ADGRL3: variants seen among roughly 807,000 people sequenced by gnomAD.
The protein encoded by ADGRL3 is calcium-independent alpha-latrotoxin receptor 3.
ADGRL3 carries 62 observed loss-of-function variants against 153.5 expected under a neutral mutation model. The observed-to-expected ratio is 0.40, with a 90% CI of 0.33 to 0.50. The LOEUF is 0.50. Ranked by LOEUF, ADGRL3 falls within the 20% of genes least tolerant of loss-of-function variation. The pLI is 0.47. For synonymous variants in ADGRL3, 710 were observed against 672.5 expected (o/e 1.06, Z -0.86); for missense variants, 1,641 against 1,859.4 (o/e 0.88, Z 2.16).
chr4:61,932,719 C>A (rs995115019), intron 13 of ADGRL3, among the ~76,000 whole-genome samples: 7 of 152,012 alleles, frequency 4.6e-5, no homozygotes, highest in Admixed American at 2.0e-4. Flanking sequence ...CTCTTATATT[C>A]TTTTGGAGTT....
At chr4:61,756,510 A>C (rs1045557219) in intron 8 of ADGRL3, among the ~76,000 whole-genome samples, 1 of 152,196 alleles carries the variant, frequency 6.6e-6, no homozygotes, top group Non-Finnish European at 1.5e-5. Context: ...CAACTTAAGG[A>C]GATTTTGGGC....
intron 10 of ADGRL3, among the ~76,000 whole-genome samples, chr4:61,894,143 T>C (rs188593029): frequency 6.6e-6 from 1 of 152,326 alleles, no homozygotes; most frequent in East Asian, 1.9e-4. Flanking sequence ...AAATGAATAC[T>C]TGGCACATTT....
chr4:61,695,929 A>G (rs1169470860), intron 6 of ADGRL3, among the ~76,000 whole-genome samples: 1 of 152,180 alleles, frequency 6.6e-6, no homozygotes, highest in East Asian at 1.9e-4. Context: ...AATGTCTGCT[A>G]GCTTCCAACC....
chr4:61,962,797 A>G (rs2098992844), intron 17 of ADGRL3, among the ~76,000 whole-genome samples: 1 of 152,152 alleles, frequency 6.6e-6, no homozygotes, highest in African/African-American at 2.4e-5. Context: ...CGTATTTGGA[A>G]ACTTTGTTCT....
intron 6 of ADGRL3, among the ~76,000 whole-genome samples, chr4:61,678,860 C>A (rs1321242593): frequency 6.6e-6 from 1 of 151,888 alleles, no homozygotes; most frequent in Non-Finnish European, 1.5e-5. Context: ...AATTGGAATT[C>A]ATTTAATAAA....
chr4:61,742,468 G>A (rs535227271), intron 8 of ADGRL3, among the ~76,000 whole-genome samples: 42 of 151,996 alleles, frequency 2.8e-4, no homozygotes, highest in African/African-American at 8.9e-4. Context: ...TTTTAGTAGA[G>A]ACGGGGCTTC....
rs1366180905 is a variant in ADGRL3, at chr4:61,920,919, C to CT, written c.2112+8163dup. On this transcript the variant is annotated intron_variant, in intron 13 of 26. Coordinates refer to ENST00000683033, the MANE Select transcript of ADGRL3 (RefSeq NM_001387552.1). ...GGCATAGTGTCCAACGATTCTGTGT[C>CT]TAACACAAGAGGGATATTGGGCAAC... Among the ~76,000 whole-genome samples the CT allele has an allele frequency of 2.6e-5, 4 of 152,224 alleles. No homozygotes were observed. The East Asian group carries it at 7.8e-4, about 30-fold the overall frequency.
intron 10 of ADGRL3, among the ~76,000 whole-genome samples, chr4:61,894,871 C>G (rs1036386359): frequency 1.3e-5 from 2 of 152,142 alleles, no homozygotes; most frequent in Non-Finnish European, 2.9e-5. Context: ...TCTATCTCCT[C>G]TTTTAATATT....
intron 2 of ADGRL3, among the ~76,000 whole-genome samples, chr4:61,432,559 C>A (rs996545508): frequency 3.1e-5 from 1 of 32,778 alleles, no homozygotes; most frequent in Non-Finnish European, 3.6e-4. Flanking sequence ...TTATAGATTT[C>A]TTTTCTTTCT....
chr4:61,535,694 A>C (rs997735397), intron 4 of ADGRL3, among the ~76,000 whole-genome samples: 3 of 151,984 alleles, frequency 2.0e-5, no homozygotes, highest in Admixed American at 2.0e-4. Context: ...CCAAGAATTT[A>C]CCCACTTCTC....
At chr4:61,571,740 A>G (rs559140128) in intron 4 of ADGRL3, among the ~76,000 whole-genome samples, 1 of 152,292 alleles carries the variant, frequency 6.6e-6, no homozygotes, top group South Asian at 2.1e-4. Context: ...TTGACTAATC[A>G]TTTACTATGT....
At chr4:61,464,508 T>G (rs1425448270) in intron 2 of ADGRL3, among the ~76,000 whole-genome samples, 3 of 152,182 alleles carry the variant, frequency 2.0e-5, no homozygotes, top group Non-Finnish European at 2.9e-5. Flanking sequence ...AAATATTAAT[T>G]TACTCCAGAA....
At chr4:61,884,648 G>C (rs1356961742) in intron 9 of ADGRL3, among the ~76,000 whole-genome samples, 1 of 151,764 alleles carries the variant, frequency 6.6e-6, no homozygotes, top group African/African-American at 2.4e-5. Flanking sequence ...TTTTTGAGAT[G>C]GAGTCTCGCT....
intron 8 of ADGRL3, among the ~76,000 whole-genome samples, chr4:61,736,257 A>G (rs2096510695): frequency 1.3e-5 from 2 of 152,306 alleles, no homozygotes; most frequent in African/African-American, 4.8e-5. Context: ...AAGGAAAATT[A>G]TACCTTCATT....
chr4:61,261,619 T>C (rs2149600098), intron 1 of ADGRL3, among the ~76,000 whole-genome samples: 2 of 152,222 alleles, frequency 1.3e-5, no homozygotes, highest in East Asian at 3.9e-4. Context: ...ACACTATAAA[T>C]AAGGAATTTT....
chr4:61,725,818 T>G (rs1404249350), intron 6 of ADGRL3, among the ~76,000 whole-genome samples: 1 of 152,122 alleles, frequency 6.6e-6, no homozygotes, highest in Non-Finnish European at 1.5e-5. Flanking sequence ...AGTTTGTATG[T>G]TGTGAGCATA....
intron 1 of ADGRL3, among the ~76,000 whole-genome samples, chr4:61,284,023 G>A (rs2150035901): frequency 6.6e-6 from 1 of 152,008 alleles, no homozygotes; most frequent in East Asian, 1.9e-4. Flanking sequence ...TTGTGTTTGT[G>A]AACCAAGTAC....
At chr4:61,941,314 A>G (rs1420239757) in intron 15 of ADGRL3, among the ~76,000 whole-genome samples, 1 of 124,728 alleles carries the variant, frequency 8.0e-6, no homozygotes, top group Non-Finnish European at 1.6e-5. Flanking sequence ...TACCAGTACC[A>G]TGCTGTTTTG....
At chr4:61,433,946 G>A (rs1475626564) in intron 2 of ADGRL3, among the ~76,000 whole-genome samples, 3 of 152,092 alleles carry the variant, frequency 2.0e-5, no homozygotes, top group Non-Finnish European at 2.9e-5. Flanking sequence ...TTGCTCCAGA[G>A]CAAATCCATC....
Sources: gnomAD v4.1 joint callset for allele counts (sites outside exome capture counted in the v4.1 genomes callset) on GRCh38, gnomAD v4.1.1 for gene constraint, MANE v1.5 for transcripts, NCBI Gene and HGNC (gene_info 2026-07-23, HGNC 2026-07-21) for gene names.